The following SLIT2 variants were observed in gnomAD, a reference collection of about 807,000 sequenced individuals.
SLIT2 encodes the protein slit homolog 2 protein.
A neutral mutation model predicts 185.7 loss-of-function variants in SLIT2; 41 were observed. The observed-to-expected ratio is 0.22, with a 90% confidence interval of 0.17 to 0.29. The LOEUF (loss-of-function observed/expected upper bound fraction) is 0.29. Among genes scored for constraint, SLIT2 ranks in the 10% least tolerant of loss-of-function variants. SLIT2 has a pLI of 1.00. For missense variants in SLIT2, 1,571 were observed against 1,909.0 expected (o/e 0.82, Z 3.30); for synonymous variants, 693 against 680.2 (o/e 1.02, Z -0.29).
In SLIT2 at chr4:20,528,473, C is replaced by A; in HGVS notation, c.1463-476C>A. On this transcript the variant is annotated intron_variant, in intron 15 of 36. Transcript: ENST00000504154. The surrounding 1 kb of genome is among the most constrained non-coding windows in gnomAD (Gnocchi z 4.2). ...AAAAAGAGGGCTTTTTAGGCATCTC[C>A]GAGATTATGTGAGAGGGAGAGAATA... 1 of 420,072 alleles carries A rather than the reference C, an allele frequency of 2.4e-6. No homozygotes were observed. Among genetic ancestry groups the A allele is most frequent in the East Asian group, 6.4e-5 (1 of 15,508 alleles). The allele number at this position is 420,072 out of a possible 1,614,324, so 26.0% of individuals were successfully genotyped here.
At chr4:20,340,713 G>T (rs1315368918) in intron 4 of SLIT2, among the ~76,000 whole-genome samples, 1 of 152,094 alleles carries the variant, frequency 6.6e-6, no homozygotes, top group Admixed American at 6.5e-5. Context: ...CCATTCTCCT[G>T]CCTCAGCCTC....
intron 4 of SLIT2, among the ~76,000 whole-genome samples, chr4:20,284,767 C>T (rs968678125): frequency 2.0e-5 from 3 of 152,162 alleles, no homozygotes; most frequent in African/African-American, 7.2e-5. Context: ...TCAGTTCTCT[C>T]CCAATGTTTT....
intron 5 of SLIT2, among the ~76,000 whole-genome samples, chr4:20,472,281 TATATAGATATATAGATATATAG>T (rs1560452733): frequency 1.8e-4 from 5 of 27,872 alleles, no homozygotes; most frequent in Admixed American, 7.1e-4. Flanking sequence ...TATATCTATA[TATATAGATATATAGATATATAG>T]ATCTATATAT....
At chr4:20,309,346 A>G (rs942462115) in intron 4 of SLIT2, among the ~76,000 whole-genome samples, 1 of 152,106 alleles carries the variant, frequency 6.6e-6, no homozygotes, top group African/African-American at 2.4e-5. Context: ...TTAGTTTTAG[A>G]ATAAAGCAGT....
intron 4 of SLIT2, among the ~76,000 whole-genome samples, chr4:20,414,909 AT>A (rs1253148787): frequency 6.6e-6 from 1 of 151,970 alleles, no homozygotes; most frequent in Non-Finnish European, 1.5e-5. Context: ...ATAGATTTAT[AT>A]TTTTCATCAA....
At chr4:20,617,342 A>T in intron 35 of SLIT2, 97 bp from the exon 36 acceptor site, 2 of 1,393,218 alleles carry the variant, frequency 1.4e-6, no homozygotes, top group Non-Finnish European at 2.0e-6. Flanking sequence ...TCTGTCCCTC[A>T]TATTTTCTCA....
At chr4:20,506,107 A>G (rs1347302488) in intron 9 of SLIT2, among the ~76,000 whole-genome samples, 1 of 152,022 alleles carries the variant, frequency 6.6e-6, no homozygotes, top group African/African-American at 2.4e-5. Context: ...AAACACACAA[A>G]CACATACAGT....
At chr4:20,428,941 A>T (rs1453779960) in intron 4 of SLIT2, among the ~76,000 whole-genome samples, 3 of 152,212 alleles carry the variant, frequency 2.0e-5, no homozygotes, top group Admixed American at 6.5e-5. Context: ...GTGGCCTGAG[A>T]GCTGCTGGCC....
intron 4 of SLIT2, among the ~76,000 whole-genome samples, chr4:20,278,935 C>A (rs1815266): frequency 0.71 from 107,647 of 151,956 alleles, 38,427 homozygotes; most frequent in East Asian, 0.9. Flanking sequence ...AACATAGATA[C>A]ATGTATTTCT....
chr4:20,572,004 A>C (rs1725649940), intron 29 of SLIT2, among the ~76,000 whole-genome samples: 1 of 152,222 alleles, frequency 6.6e-6, no homozygotes, highest in African/African-American at 2.4e-5. Flanking sequence ...CGTGACTAGA[A>C]ATATTTAAAA....
At chr4:20,524,526 C>T (rs1302149641) in intron 14 of SLIT2, among the ~76,000 whole-genome samples, 9 of 152,142 alleles carry the variant, frequency 5.9e-5, no homozygotes, top group Non-Finnish European at 2.9e-5. Context: ...ATTGACCAGC[C>T]TCAAGTAATT....
intron 25 of SLIT2, among the ~76,000 whole-genome samples, 163 bp downstream of exon 25, chr4:20,551,061 C>T (rs1210572252): frequency 1.3e-5 from 2 of 152,184 alleles, no homozygotes; most frequent in East Asian, 3.8e-4. Context: ...ATGCCTTCTG[C>T]AAGATGGCTT....
intron 4 of SLIT2, among the ~76,000 whole-genome samples, chr4:20,430,134 T>G (rs996091196): frequency 1.3e-5 from 2 of 151,324 alleles, no homozygotes; most frequent in Non-Finnish European, 3.0e-5. Flanking sequence ...ATTACTATTT[T>G]TAGATTAGTA....
intron 20 of SLIT2, 106 bp from the exon 21 acceptor site, chr4:20,542,388 A>G: frequency 9.6e-7 from 1 of 1,038,240 alleles, no homozygotes; most frequent in Non-Finnish European, 1.5e-6. Context: ...ATGATTATGT[A>G]GCTTAAGACT....
intron 6 of SLIT2, among the ~76,000 whole-genome samples, chr4:20,481,680 T>G (rs901543780): frequency 3.3e-5 from 5 of 151,984 alleles, no homozygotes; most frequent in Admixed American, 3.3e-4. Context: ...AATCCTTCCT[T>G]TTCCCCACAA....
chr4:20,308,983 GTT>G (rs1391595341), intron 4 of SLIT2, among the ~76,000 whole-genome samples: 1 of 152,060 alleles, frequency 6.6e-6, no homozygotes, highest in East Asian at 1.9e-4. Context: ...TCGAGAATAA[GTT>G]TAATTTTATG....
intron 7 of SLIT2, among the ~76,000 whole-genome samples, chr4:20,487,310 C>A (rs1279441755): frequency 6.6e-6 from 1 of 152,084 alleles, no homozygotes; most frequent in Non-Finnish European, 1.5e-5. Flanking sequence ...TAAGACTAAT[C>A]TGACAGAATT....
At chr4:20,421,921 C>T (rs1480513885) in intron 4 of SLIT2, among the ~76,000 whole-genome samples, 1 of 152,148 alleles carries the variant, frequency 6.6e-6, no homozygotes, top group African/African-American at 2.4e-5. Flanking sequence ...TCAGAAAAGT[C>T]AGCCTATGCT....
intron 4 of SLIT2, among the ~76,000 whole-genome samples, chr4:20,410,243 CT>C (rs1160985126): frequency 1.9e-3 from 132 of 69,052 alleles, no homozygotes; most frequent in African/African-American, 5.3e-3. Flanking sequence ...TCTTTCTTTT[CT>C]TTTTTTTTTT....
Sources: gnomAD v4.1 joint callset for allele counts (sites outside exome capture counted in the v4.1 genomes callset) on GRCh38, gnomAD v4.1.1 for gene constraint, Gnocchi (gnomAD v3.1) non-coding constraint, MANE v1.5 for transcripts, NCBI Gene and HGNC (gene_info 2026-07-23, HGNC 2026-07-21) for gene names.